The following PAPPA2 variants were observed in gnomAD, a reference collection of about 807,000 sequenced individuals.
The protein encoded by PAPPA2 is pappalysin-2.
In PAPPA2, 86 loss-of-function variants were observed where a neutral mutation model predicts 176.4. The ratio of observed to expected loss-of-function variants is 0.49; its 90% CI spans 0.41 to 0.58. PAPPA2 has a LOEUF of 0.58. PAPPA2 is among the 20% of genes least tolerant of loss of function. The probability of loss-of-function intolerance (pLI) is 0.00; values close to 1 mark genes in which losing one functional copy is unlikely to be tolerated. For synonymous variants in PAPPA2, 809 were observed against 852.2 expected, an observed-to-expected ratio of 0.95 and a Z score of 0.88; for missense variants, 2,073 against 2,256.9, an observed-to-expected ratio of 0.92 and a Z score of 1.65.
intron 1 of PAPPA2, among the ~76,000 whole-genome samples, chr1:176,538,534 A>T (rs1384731423): frequency 6.6e-6 from 1 of 152,204 alleles, no homozygotes; most frequent in Non-Finnish European, 1.5e-5. Flanking sequence ...AAACCAAGTT[A>T]GATTTTCCGC....
intron 1 of PAPPA2, among the ~76,000 whole-genome samples, chr1:176,547,708 G>A (rs1650715988): frequency 6.6e-6 from 1 of 152,112 alleles, no homozygotes; most frequent in Non-Finnish European, 1.5e-5. Context: ...AAGATGTTAA[G>A]CAGCATCCCT....
intron 21 of PAPPA2, among the ~76,000 whole-genome samples, chr1:176,806,785 G>C (rs1016961288): frequency 2.3e-4 from 35 of 152,120 alleles, no homozygotes; most frequent in African/African-American, 8.4e-4. Flanking sequence ...TAATTTTTCA[G>C]GAATAACGGC....
intron 1 of PAPPA2, among the ~76,000 whole-genome samples, chr1:176,505,741 CA>C (rs1648224099): frequency 6.6e-6 from 1 of 151,694 alleles, no homozygotes; most frequent in Admixed American, 6.6e-5. Context: ...ACCAAAAAAA[CA>C]AAAACAAAAC....
At chr1:176,757,515 G>A (rs886770520) in intron 14 of PAPPA2, among the ~76,000 whole-genome samples, 3 of 152,158 alleles carry the variant, frequency 2.0e-5, no homozygotes, top group African/African-American at 7.2e-5. Flanking sequence ...CTTTTGAGAG[G>A]TGTCTCTTCA....
chr1:176,580,828 T>G (rs1652918461), intron 2 of PAPPA2, among the ~76,000 whole-genome samples: 1 of 152,084 alleles, frequency 6.6e-6, no homozygotes, highest in Admixed American at 6.5e-5. Flanking sequence ...ATCTGATTAT[T>G]TGTACTTTTG....
chr1:176,722,361 C>A (rs1279391355), intron 12 of PAPPA2, among the ~76,000 whole-genome samples: 2 of 147,310 alleles, frequency 1.4e-5, no homozygotes, highest in African/African-American at 2.5e-5. Context: ...TGGGAAAGAT[C>A]ACTTTAATTC....
chr1:176,530,246 A>G (rs1300671595), intron 1 of PAPPA2, among the ~76,000 whole-genome samples: 1 of 152,224 alleles, frequency 6.6e-6, no homozygotes, highest in Non-Finnish European at 1.5e-5. Flanking sequence ...AAGACAGGTT[A>G]AAACCTCACA....
chr1:176,556,612 C>G lies in PAPPA2; in HGVS notation c.290C>G (p.Pro97Arg). The G allele has an allele frequency of 1.9e-6, 3 of 1,614,206 alleles. No individual in the cohort carries two copies. Among genetic ancestry groups the G allele is most frequent in the Non-Finnish European group, 2.5e-6 (3 of 1,180,048 alleles). Residue 97 changes from proline to arginine, a missense_variant, in exon 2 of 23, where the codon CCA (proline) becomes CGA (arginine). Pro to Arg is a moderately radical substitution (Grantham distance 103). Around this residue, in one of 4 missense-constraint regions of PAPPA2, gnomAD observed 1,196 missense variants for 1,330.4 expected, o/e 0.90. Coordinates refer to ENST00000367662, the MANE Select transcript of PAPPA2 (RefSeq NM_020318.3). ...QEIHHTGRSK[P>R]DTEGNAVSLV... ...ATCCATCATACAGGACGCAGCAAAC[C>G]AGACACTGAAGGAAATGCTGTGAGC...
chr1:176,524,153 CT>C (rs995307140), intron 1 of PAPPA2, among the ~76,000 whole-genome samples: 161 of 151,818 alleles, frequency 1.1e-3, no homozygotes, highest in African/African-American at 3.6e-3. Context: ...CGTTTTCAGA[CT>C]TTTTTTTTCA....
chr1:176,616,252 A>G, intron 3 of PAPPA2: 3 of 468,316 alleles, frequency 6.4e-6, no homozygotes, highest in South Asian at 5.3e-5. Context: ...TTCCAATAGC[A>G]TTAGGCACCC....
chr1:176,561,934 C>CA (rs1467594398), intron 2 of PAPPA2, among the ~76,000 whole-genome samples: 3 of 152,196 alleles, frequency 2.0e-5, no homozygotes, highest in Non-Finnish European at 4.4e-5. Context: ...GCAGGCAAGA[C>CA]AGCGTGCGCA....
intron 12 of PAPPA2, among the ~76,000 whole-genome samples, chr1:176,738,995 C>T (rs191508605): frequency 2.0e-5 from 3 of 152,114 alleles, no homozygotes; most frequent in African/African-American, 4.8e-5. Context: ...TTTTCCTGGC[C>T]GGGGACTGGG....
intron 17 of PAPPA2, among the ~76,000 whole-genome samples, chr1:176,778,150 C>T (rs1254189810): frequency 6.6e-6 from 1 of 150,784 alleles, no homozygotes. Context: ...TTTCCCTTGC[C>T]TATAAAAGAA....
chr1:176,784,803 G>A (rs1664861119), intron 17 of PAPPA2, among the ~76,000 whole-genome samples: 1 of 152,052 alleles, frequency 6.6e-6, no homozygotes, highest in Admixed American at 6.6e-5. Flanking sequence ...GGCCAGGCTG[G>A]TCTTGAACTC....
intron 21 of PAPPA2, among the ~76,000 whole-genome samples, chr1:176,808,471 G>C (rs1429603408): frequency 6.6e-6 from 1 of 152,170 alleles, no homozygotes; most frequent in African/African-American, 2.4e-5. Context: ...AGTTCAGAAA[G>C]GTCAAGGATA....
chr1:176,823,279 C>T (rs2102976218), intron 21 of PAPPA2, among the ~76,000 whole-genome samples: 1 of 152,306 alleles, frequency 6.6e-6, no homozygotes, highest in African/African-American at 2.4e-5. Flanking sequence ...ACATAACAAA[C>T]AATCCCCAAA....
intron 3 of PAPPA2, among the ~76,000 whole-genome samples, chr1:176,632,194 C>T (rs1444068601): frequency 1.3e-5 from 2 of 151,570 alleles, no homozygotes; most frequent in Non-Finnish European, 2.9e-5. Flanking sequence ...CAGAAATGAA[C>T]TTCAACTGAG....
intron 21 of PAPPA2, among the ~76,000 whole-genome samples, chr1:176,829,442 G>T (rs987534244): frequency 2.0e-5 from 3 of 152,222 alleles, no homozygotes; most frequent in African/African-American, 7.2e-5. Flanking sequence ...TGCCTGGCAT[G>T]TGCCTGCATG....
chr1:176,780,840 T>A (rs1664677337), intron 17 of PAPPA2, among the ~76,000 whole-genome samples: 1 of 152,224 alleles, frequency 6.6e-6, no homozygotes, highest in Non-Finnish European at 1.5e-5. Context: ...TCAAGTCCAG[T>A]TCACCCCTGA....
Sources: gnomAD v4.1 joint callset for allele counts (sites outside exome capture counted in the v4.1 genomes callset) on GRCh38, gnomAD v4.1.1 for gene constraint, gnomAD v4.1.1 regional missense constraint, MANE v1.5 for transcripts, NCBI Gene and HGNC (gene_info 2026-07-23, HGNC 2026-07-21) for gene names.